Variants in WDR72 observed in about 807,000 individuals in gnomAD.
WDR72 encodes the protein WD repeat domain 72, also known as WD repeat-containing protein 72.
A neutral mutation model predicts 124.2 loss-of-function variants in WDR72; 120 were observed. That is an observed-to-expected ratio of 0.97 (90% CI 0.83 to 1.12). The LOEUF (loss-of-function observed/expected upper bound fraction) is 1.12. WDR72 is among the 50% of genes most tolerant of loss of function. The pLI, the probability that WDR72 is intolerant of heterozygous loss-of-function variation, is 0.00. For missense variants in WDR72, 1,387 were observed against 1,278.8 expected, an observed-to-expected ratio of 1.08 and a Z score of -1.29; for synonymous variants, 452 against 441.7, an observed-to-expected ratio of 1.02 and a Z score of -0.29.
chr15:53,592,581 T>C (rs1396950392), intron 18 of WDR72, among the ~76,000 whole-genome samples: 1 of 152,138 alleles, frequency 6.6e-6, no homozygotes, highest in Non-Finnish European at 1.5e-5. Flanking sequence ...TCTTTGAAGA[T>C]GATGCATGCA....
intron 18 of WDR72, among the ~76,000 whole-genome samples, chr15:53,548,806 C>T (rs1270869845): frequency 6.6e-6 from 1 of 152,102 alleles, no homozygotes; most frequent in Non-Finnish European, 1.5e-5. Flanking sequence ...TTGTAAATCA[C>T]AGCAGTTACA....
chr15:53,609,413 C>G, intron 17 of WDR72, 100 bp downstream of exon 17: 1 of 1,045,216 alleles, frequency 9.6e-7, no homozygotes. Flanking sequence ...TTTATGAGGA[C>G]AAGAGTAACT....
At chr15:53,653,027 T>A (rs1204730920) in intron 14 of WDR72, among the ~76,000 whole-genome samples, 1 of 129,410 alleles carries the variant, frequency 7.7e-6, no homozygotes, top group Non-Finnish European at 1.9e-5. Flanking sequence ...TAGGTCACTA[T>A]CCTCTGTACA....
At chr15:53,686,550 G>T (rs548835418) in intron 13 of WDR72, among the ~76,000 whole-genome samples, 5 of 151,942 alleles carry the variant, frequency 3.3e-5, no homozygotes, top group Non-Finnish European at 5.9e-5. Flanking sequence ...AGAGCACCCA[G>T]ATTCATAAAG....
rs201463987 is a variant in WDR72 at position 53,517,758 on chromosome 15, G to A, written c.3254-4C>T. The stretch of plus-strand genomic sequence containing the variant: ...CATGAATGATGCCTTGGCTCACCTA[G>A]GAAAAAAGCAGATATCTTGGGTTAT... On this transcript the variant is annotated splice_region_variant and splice_polypyrimidine_tract_variant and intron_variant, in intron 19 of 19. Coordinates refer to ENST00000360509, the MANE Select transcript of WDR72 (RefSeq NM_182758.4). The A allele has an allele frequency of 6.2e-7, 1 of 1,611,542 alleles. No individual in the cohort carries two copies. Among genetic ancestry groups the A allele is most frequent in the South Asian group, 1.1e-5 (1 of 91,020 alleles).
At chr15:53,628,295 GA>G (rs927544592) in intron 14 of WDR72, among the ~76,000 whole-genome samples, 5 of 151,906 alleles carry the variant, frequency 3.3e-5, no homozygotes, top group African/African-American at 1.2e-4. Flanking sequence ...TTAATGCAAA[GA>G]AAAAAATTAT....
chr15:53,672,869 C>T (rs551922041), intron 13 of WDR72, among the ~76,000 whole-genome samples: 3 of 152,258 alleles, frequency 2.0e-5, no homozygotes, highest in African/African-American at 7.2e-5. Context: ...GTGGCTCACT[C>T]CTGTAATCCC....
intron 3 of WDR72, among the ~76,000 whole-genome samples, chr15:53,719,907 C>A (rs1319370777): frequency 6.6e-6 from 1 of 152,126 alleles, no homozygotes; most frequent in Non-Finnish European, 1.5e-5. Flanking sequence ...AGTAACTAAA[C>A]CTTTATTAAT....
At chr15:53,704,542 G>A (rs1050348342) in intron 11 of WDR72, among the ~76,000 whole-genome samples, 1 of 151,312 alleles carries the variant, frequency 6.6e-6, no homozygotes, top group Non-Finnish European at 1.5e-5. Context: ...TTTTTTTTGA[G>A]ATGGAGTGGA....
chr15:53,551,081 G>A (rs559693928), intron 18 of WDR72, among the ~76,000 whole-genome samples: 2 of 152,218 alleles, frequency 1.3e-5, no homozygotes, highest in South Asian at 4.2e-4. Flanking sequence ...CAGAAATTAG[G>A]TGAAGAGTAG....
chr15:53,589,226 G>A (rs150303016), intron 18 of WDR72, among the ~76,000 whole-genome samples: 2 of 151,902 alleles, frequency 1.3e-5, no homozygotes, highest in Non-Finnish European at 2.9e-5. Flanking sequence ...TTTCCTGTGA[G>A]CTTGCTGTGT....
At chr15:53,635,091 A>G (rs558689725) in intron 14 of WDR72, among the ~76,000 whole-genome samples, 6 of 152,212 alleles carry the variant, frequency 3.9e-5, no homozygotes, top group Non-Finnish European at 8.8e-5. Context: ...GAGGGTGACG[A>G]TCTTTCAGAA....
intron 1 of WDR72, among the ~76,000 whole-genome samples, chr15:53,741,653 T>C (rs1268404118): frequency 6.6e-6 from 1 of 152,212 alleles, no homozygotes; most frequent in Non-Finnish European, 1.5e-5. Context: ...CCATAGGATT[T>C]AGAGCAAGTG....
chr15:53,681,910 T>C (rs914046988), intron 13 of WDR72, among the ~76,000 whole-genome samples: 2 of 152,118 alleles, frequency 1.3e-5, no homozygotes, highest in African/African-American at 2.4e-5. Context: ...TGATGTAGAA[T>C]TTTTAAAATA....
intron 18 of WDR72, 44 bp from the exon 19 acceptor site, chr15:53,523,366 G>T: frequency 6.3e-7 from 1 of 1,575,296 alleles, no homozygotes. Context: ...GAAGAGAGAG[G>T]ATGAAAAAGT....
At chr15:53,621,051 C>T (rs1440551407) in intron 14 of WDR72, among the ~76,000 whole-genome samples, 1 of 151,916 alleles carries the variant, frequency 6.6e-6, no homozygotes, top group Non-Finnish European at 1.5e-5. Flanking sequence ...ATAAAAAATG[C>T]TCAACATCAC....
In WDR72 at chr15:53,541,366, C is replaced by G. The variant is rs553366467; in HGVS notation, c.3149-18044G>C. 2.8e-4 allele frequency among the ~76,000 whole-genome samples: 42 copies of G among 151,978 alleles called. 1 individual carries two copies. The highest frequency in any genetic ancestry group is 1.0e-3 in the South Asian group (5 of 4,814). On this transcript the variant is annotated intron_variant, in intron 18 of 19. Transcript: ENST00000360509. Reference sequence around the variant, plus strand: ...CCCCGAGCAGCCTAACTGGGAGGCACCCCCCAGCAGGGGCACACTGATACC... The same window carrying G: ...CCCCGAGCAGCCTAACTGGGAGGCAGCCCCCAGCAGGGGCACACTGATACC...
chr15:53,584,762 C>G (rs1003139375), intron 18 of WDR72, among the ~76,000 whole-genome samples: 3 of 151,964 alleles, frequency 2.0e-5, no homozygotes, highest in Non-Finnish European at 4.4e-5. Context: ...TTCCCATGTC[C>G]TGCCCACACC....
intron 14 of WDR72, among the ~76,000 whole-genome samples, chr15:53,654,697 T>C (rs539821342): frequency 3.9e-5 from 6 of 152,300 alleles, no homozygotes; most frequent in South Asian, 2.1e-4. Context: ...TTGATTAAGA[T>C]AGAAGGTAGA....
Sources: allele counts gnomAD v4.1 joint callset (sites outside exome capture counted in the v4.1 genomes callset), GRCh38; gene constraint gnomAD v4.1.1; transcripts MANE v1.5; gene names NCBI Gene and HGNC (gene_info 2026-07-23, HGNC 2026-07-21).